The following PREX1 variants were observed in gnomAD, a reference collection of about 807,000 sequenced individuals.
PREX1 encodes phosphatidylinositol 3,4,5-trisphosphate-dependent Rac exchanger 1 protein.
Under a neutral mutation model 198.3 loss-of-function variants are expected in PREX1, and 41 were observed. The observed-to-expected ratio is 0.21, with a 90% CI of 0.16 to 0.27. PREX1 has a LOEUF of 0.27. Among genes scored for constraint, PREX1 ranks in the 10% least tolerant of loss-of-function variants. The probability of loss-of-function intolerance (pLI) is 1.00; values close to 1 mark genes in which losing one functional copy is unlikely to be tolerated. For synonymous variants in PREX1, 843 were observed against 887.2 expected, an observed-to-expected ratio of 0.95 and a Z score of 0.89; for missense variants, 1,620 against 2,200.7, an observed-to-expected ratio of 0.74 and a Z score of 5.28.
the PREX1 span, among the ~76,000 whole-genome samples, chr20:48,845,446 T>C: frequency 6.6e-6 from 1 of 152,316 alleles, no homozygotes; most frequent in East Asian, 1.9e-4. Context: ...GCTCACGCTG[T>C]AATCTCAGCA....
the PREX1 span, chr20:48,849,514 A>G: frequency 6.6e-6 from 1 of 152,220 alleles, no homozygotes; most frequent in Non-Finnish European, 1.5e-5. Flanking sequence ...TCACTGCTAG[A>G]TTCCCAGTGT....
chr20:48,641,348 T>C lies in PREX1; in HGVS notation c.3775+820A>G, dbSNP rs1422991021. ...TGCATTTAATTTATCATTATCATTA[T>C]GGTTTATCATCAAATTTTGGCATAT... is the stretch of plus-strand genomic sequence containing the variant. On this transcript the variant is annotated intron_variant, in intron 29 of 39. Transcript: ENST00000371941. 3.9e-5 allele frequency among the ~76,000 whole-genome samples: 6 copies of C among 152,228 alleles called. No individual in the cohort carries two copies. In the East Asian group the frequency reaches 5.8e-4, roughly 15 times the overall value.
At chr20:48,667,604 T>C (rs962489487) in intron 14 of PREX1, among the ~76,000 whole-genome samples, 5 of 152,238 alleles carry the variant, frequency 3.3e-5, no homozygotes, top group South Asian at 2.1e-4. Context: ...CACTGTTCAG[T>C]TGGGCTTGTT....
At chr20:48,829,801 A>C (rs1426437256), upstream of PREX1, among the ~76,000 whole-genome samples, 1 of 152,122 alleles carries the variant, frequency 6.6e-6, no homozygotes, top group Non-Finnish European at 1.5e-5. Flanking sequence ...GCGGGCTTGC[A>C]TTTGTATCCC....
intron 37 of PREX1, 34 bp from the exon 38 acceptor site, chr20:48,627,997 G>T: frequency 7.4e-7 from 1 of 1,347,614 alleles, no homozygotes; most frequent in Non-Finnish European, 1.0e-6. Context: ...CGGGTTGGCG[G>T]TGGGGGGACA....
intron 30 of PREX1, among the ~76,000 whole-genome samples, chr20:48,639,561 T>G (rs2089392239): frequency 6.6e-6 from 1 of 152,164 alleles, no homozygotes; most frequent in Non-Finnish European, 1.5e-5. Flanking sequence ...CTCACTATGT[T>G]GCCCAGGTCT....
chr20:48,766,083 T>C (rs2090206691), intron 1 of PREX1, among the ~76,000 whole-genome samples: 1 of 152,204 alleles, frequency 6.6e-6, no homozygotes. Flanking sequence ...ACTGTCTAGT[T>C]GCAGGAAAAC....
chr20:48,696,505 A>G (rs2089846371), intron 7 of PREX1, among the ~76,000 whole-genome samples: 1 of 152,210 alleles, frequency 6.6e-6, no homozygotes, highest in Non-Finnish European at 1.5e-5. Context: ...GAATCCAGTA[A>G]TAACGGTCCC....
At chr20:48,700,635 G>A (rs2089868884) in intron 7 of PREX1, 118 bp downstream of exon 7, 1 of 1,382,038 alleles carries the variant, frequency 7.2e-7, no homozygotes, top group Non-Finnish European at 1.0e-6. Flanking sequence ...CAGCACTGAT[G>A]TAGAACAAAC....
chr20:48,776,431 TG>T (rs1376172929), intron 1 of PREX1, among the ~76,000 whole-genome samples: 1 of 152,156 alleles, frequency 6.6e-6, no homozygotes, highest in African/African-American at 2.4e-5. Context: ...GCTTAGCAGC[TG>T]TGGGAGGGGA....
chr20:48,713,857 T>TAAAAAAA (rs71337452), intron 5 of PREX1, among the ~76,000 whole-genome samples: 1 of 81,732 alleles, frequency 1.2e-5, no homozygotes, highest in East Asian at 3.0e-4. Flanking sequence ...CCCAGAACTA[T>TAAAAAAA]AAAAAAAAAA....
chr20:48,644,582 TAGACAAAACCCC>T, intron 26 of PREX1, 85 bp from the exon 27 acceptor site: 1 of 1,226,700 alleles, frequency 8.2e-7, no homozygotes. Flanking sequence ...TTCTACAGTG[TAGACAAAACCCC>T]TGGGCCCTCA....
chr20:48,648,551 AC>A (rs2122887167), intron 25 of PREX1, among the ~76,000 whole-genome samples: 1 of 152,290 alleles, frequency 6.6e-6, no homozygotes, highest in African/African-American at 2.4e-5. Context: ...ACTGTGCCCA[AC>A]AGAAGGAAGG....
intron 14 of PREX1, among the ~76,000 whole-genome samples, chr20:48,675,275 C>T (rs2089700383): frequency 6.6e-6 from 1 of 152,214 alleles, no homozygotes; most frequent in African/African-American, 2.4e-5. Flanking sequence ...TGGAAACAGA[C>T]GGCAGCCTTC....
the PREX1 span, among the ~76,000 whole-genome samples, chr20:48,861,554 C>T: frequency 6.6e-6 from 1 of 152,200 alleles, no homozygotes; most frequent in Non-Finnish European, 1.5e-5. Context: ...CCTGCCAGGA[C>T]CTTGCAGGCA....
intron 6 of PREX1, among the ~76,000 whole-genome samples, chr20:48,701,686 A>G (rs2089875386): frequency 1.3e-5 from 2 of 152,204 alleles, no homozygotes; most frequent in Admixed American, 6.5e-5. Flanking sequence ...TCTGGCACAC[A>G]GTAGGTGCTC....
At chr20:48,808,698 G>A (rs2090422415) in intron 1 of PREX1, among the ~76,000 whole-genome samples, 1 of 152,128 alleles carries the variant, frequency 6.6e-6, no homozygotes, top group Non-Finnish European at 1.5e-5. Flanking sequence ...GGCCCTCAAG[G>A]CCCTGTGCAA....
chr20:48,752,117 C>T (rs751699069), intron 1 of PREX1, among the ~76,000 whole-genome samples: 1 of 152,018 alleles, frequency 6.6e-6, no homozygotes, highest in Non-Finnish European at 1.5e-5. Context: ...TTCAGTTTAC[C>T]CACAGTACCA....
the PREX1 span, among the ~76,000 whole-genome samples, chr20:48,888,157 T>TA: frequency 6.6e-6 from 1 of 152,098 alleles, no homozygotes. Context: ...AAGCACTTCT[T>TA]ACATGGTGGC....
Sources: allele counts gnomAD v4.1 joint callset (sites outside exome capture counted in the v4.1 genomes callset), GRCh38; gene constraint gnomAD v4.1.1; transcripts MANE v1.5; gene names NCBI Gene and HGNC (gene_info 2026-07-23, HGNC 2026-07-21).